Variants in ZBTB10 observed in about 807,000 individuals in gnomAD.
The protein encoded by ZBTB10 is zinc finger and BTB domain containing 10, also known as zinc finger and BTB domain-containing protein 10.
A neutral mutation model predicts 76.4 loss-of-function variants in ZBTB10; 32 were observed. That is an observed-to-expected ratio of 0.42 (90% CI 0.32 to 0.56). The LOEUF is 0.56. ZBTB10 is among the 20% of genes least tolerant of loss of function. The pLI is 0.14. For synonymous variants in ZBTB10, 523 were observed against 432.9 expected (o/e 1.21, Z -2.58); for missense variants, 1,057 against 1,098.5 (o/e 0.96, Z 0.53).
chr8:80,517,911 C>T (rs1393078760), intron 3 of ZBTB10, among the ~76,000 whole-genome samples: 1 of 133,256 alleles, frequency 7.5e-6, no homozygotes, highest in Non-Finnish European at 1.6e-5. Flanking sequence ...CATGATCCCA[C>T]TGTGTCGCCC....
At position 80,499,979 on chromosome 8, in the gene ZBTB10, T is replaced by C; in HGVS notation, c.1458T>C (p.Asn486=). ...ACTATAATAATAGAAAACCAGTTAATAGAGATGGTCTGTCTTCATCACGGG... is the reference window on the plus strand; with the variant it reads ...ACTATAATAATAGAAAACCAGTTAACAGAGATGGTCTGTCTTCATCACGGG... The part of the protein sequence containing the change: ...VVDYNNRKPV[N]RDGLSSSRDQ... The change falls in exon 2 of 6, where the codon AAT becomes AAC. Residue 486 remains asparagine (N), a synonymous_variant. Coordinates refer to ENST00000455036, the MANE Select transcript of ZBTB10 (RefSeq NM_001105539.3). The C allele has an allele frequency of 6.2e-7, 1 of 1,613,942 alleles. No individual in the cohort carries two copies. The highest frequency in any genetic ancestry group is 8.5e-7 in the Non-Finnish European group (1 of 1,179,866).
chr8:80,519,758 C>CA lies in ZBTB10; in HGVS notation c.*231dup. 1 of 426,266 alleles carries CA rather than the reference C, an allele frequency of 2.3e-6. No individual in the cohort carries two copies. The allele number at this position is 426,266 out of a possible 1,614,324, so 26.4% of individuals were successfully genotyped here. A position where few individuals can be genotyped will look rare whatever the true frequency, so the allele number is the denominator to read the frequency against. ...GGATTACATGGAGTCCCCACATACT[C>CA]AGTCAGTTATCAAAGTAAAATATTT... On this transcript the variant is annotated 3_prime_UTR_variant, in exon 6 of 6. Coordinates refer to ENST00000455036, the MANE Select transcript of ZBTB10 (RefSeq NM_001105539.3).
At chr8:80,493,666 A>C (rs1221486071) in intron 1 of ZBTB10, among the ~76,000 whole-genome samples, 13 of 142,392 alleles carry the variant, frequency 9.1e-5, no homozygotes, top group South Asian at 6.7e-4. Context: ...TAAAAACAAA[A>C]CAAAAAAAAA....
At chr8:80,517,862 G>T (rs368078403) in intron 3 of ZBTB10, among the ~76,000 whole-genome samples, 1 of 119,600 alleles carries the variant, frequency 8.4e-6, no homozygotes, top group African/African-American at 3.4e-5. Context: ...TTTTTCTCCC[G>T]CCCGCCACCT....
chr8:80,487,209 C>G lies in ZBTB10; in HGVS notation c.399C>G (p.Leu133=), dbSNP rs775393865. The stretch of plus-strand genomic sequence containing the variant: ...TCCGAGGCGGCGGCGGCGGGGGTCT[C>G]GGCAACAATGGCAGTAGCCGCGGCC... ...LAFRGGGGGG[L]GNNGSSRGRP... Residue 133 remains leucine (L), a synonymous_variant, in exon 1 of 6, where the codon CTC becomes CTG. Transcript: ENST00000455036. 165 of 1,544,202 alleles carry G rather than the reference C, an allele frequency of 1.1e-4. No individual in the cohort carries two copies. Among genetic ancestry groups the G allele is most frequent in the Non-Finnish European group, 1.4e-4 (156 of 1,147,330 alleles).
chr8:80,496,823 A>C (rs915856805), intron 1 of ZBTB10, among the ~76,000 whole-genome samples: 2 of 152,224 alleles, frequency 1.3e-5, no homozygotes, highest in Admixed American at 6.5e-5. Context: ...GTTCATAGAT[A>C]TATGCTGCCA....
rs1293767137 is a variant in ZBTB10, at chr8:80,520,596, A to G, written c.*1068A>G. On this transcript the variant is annotated 3_prime_UTR_variant, in exon 6 of 6. Transcript: ENST00000455036. Reference sequence around the variant, plus strand: ...TGTCCCTTTTATCATGAAAATTAACACAAAATGTGCATTCTCTTTTGTTTC... The same window carrying G: ...TGTCCCTTTTATCATGAAAATTAACGCAAAATGTGCATTCTCTTTTGTTTC... 1 of 152,398 alleles carries G rather than the reference A, an allele frequency of 6.6e-6. No individual in the cohort carries two copies. The highest frequency in any genetic ancestry group is 1.5e-5 in the Non-Finnish European group (1 of 67,928). 9.4% of individuals were successfully genotyped at this position (152,398 alleles called of 1,614,324 possible).
At chr8:80,500,648 T>C (rs1815900467) in intron 2 of ZBTB10, among the ~76,000 whole-genome samples, 2 of 152,242 alleles carry the variant, frequency 1.3e-5, no homozygotes, top group South Asian at 4.1e-4. Flanking sequence ...CTCTGCTGCA[T>C]GTACGGGTCT....
rs1816444244 is a variant in ZBTB10 at position 80,521,313 on chromosome 8, A to G, written c.*1785A>G. 1 of 151,912 alleles carries G rather than the reference A, an allele frequency of 6.6e-6. No individual in the cohort carries two copies. Among genetic ancestry groups the G allele is most frequent in the Admixed American group, 6.6e-5 (1 of 15,242 alleles). The allele number at this position is 151,912 out of a possible 1,614,324, so 9.4% of individuals were successfully genotyped here. A position where few individuals can be genotyped will look rare whatever the true frequency, so the allele number is the denominator to read the frequency against. ...TTTCGGTTTGATTTTTGTTTAAAAC[A>G]GATGAGTACTTCTTAATGTTCTAGA... On this transcript the variant is annotated 3_prime_UTR_variant, in exon 6 of 6. Transcript: ENST00000455036.
At chr8:80,516,449 A>G (rs1426618992) in intron 3 of ZBTB10, among the ~76,000 whole-genome samples, 2 of 152,224 alleles carry the variant, frequency 1.3e-5, no homozygotes, top group South Asian at 2.1e-4. Context: ...TTAGACAAGA[A>G]ATATGGATCA....
chr8:80,517,902 A>G (rs1354308308), intron 3 of ZBTB10, among the ~76,000 whole-genome samples: 2 of 106,432 alleles, frequency 1.9e-5, no homozygotes, highest in Non-Finnish European at 1.7e-5. Flanking sequence ...TTTTTGAGAC[A>G]TGATCCCACT....
At chr8:80,493,662 C>A (rs684199) in intron 1 of ZBTB10, among the ~76,000 whole-genome samples, 10,063 of 139,868 alleles carry the variant, frequency 0.072, 379 homozygotes, top group African/African-American at 0.11. Context: ...AATTTAAAAA[C>A]AAAACAAAAA....
rs764831364 is a variant in ZBTB10 at position 80,487,251 on chromosome 8, G to A, written c.441G>A (p.Val147=). 1.9e-6 allele frequency: 3 copies of A among 1,551,396 alleles called. No individual in the cohort carries two copies. In the South Asian group the frequency reaches 3.6e-5, roughly 18 times the overall value. Residue 147 remains valine (V), a synonymous_variant, in exon 1 of 6, where the codon GTG becomes GTA. Transcript: ENST00000455036. ...GCCGCGGCCGCCCCGAGACCTCGGT[G>A]TGGCCCTTGAGGCATTTCAATGGGC... The part of the protein sequence containing the change: ...GSSRGRPETS[V]WPLRHFNGRG...
intron 2 of ZBTB10, among the ~76,000 whole-genome samples, chr8:80,506,955 G>A (rs982693832): frequency 6.6e-6 from 1 of 151,962 alleles, no homozygotes; most frequent in Admixed American, 6.6e-5. Flanking sequence ...ATTAGGGGGA[G>A]GGTGCTGAAG....
At chr8:80,517,871 CTTT>C (rs773074047) in intron 3 of ZBTB10, among the ~76,000 whole-genome samples, 9 of 76,834 alleles carry the variant, frequency 1.2e-4, no homozygotes, top group Admixed American at 3.3e-4. Flanking sequence ...CGCCCGCCAC[CTTT>C]TTTTTTTTTT....
At chr8:80,516,532 ATTCTTTATCCCT>A (rs375315695) in intron 3 of ZBTB10, among the ~76,000 whole-genome samples, 137 of 152,320 alleles carry the variant, frequency 9.0e-4, no homozygotes, top group African/African-American at 3.2e-3. Flanking sequence ...CTTCCGTTCC[ATTCTTTATCCCT>A]CACACAGAAA....
chr8:80,487,403 G>T lies in ZBTB10; in HGVS notation c.593G>T (p.Gly198Val). Residue 198 changes from glycine to valine, a missense_variant, in exon 1 of 6, where the codon GGG (glycine) becomes GTG (valine). This residue lies in a region of ZBTB10 where 556 missense variants were observed against 451.7 expected (regional missense o/e 1.23). Coordinates refer to ENST00000455036, the MANE Select transcript of ZBTB10 (RefSeq NM_001105539.3). ...EEGASLGDGS[G>V]AEGGSCSSSR... is the part of the protein sequence containing the mutation. Reference sequence around the variant, plus strand: ...GGGGCGAGCCTGGGCGACGGCAGCGGGGCGGAAGGCGGCAGCTGCAGCAGC... The same window carrying T: ...GGGGCGAGCCTGGGCGACGGCAGCGTGGCGGAAGGCGGCAGCTGCAGCAGC... 6.5e-7 allele frequency: 1 copy of T among 1,537,484 alleles called. No individual in the cohort carries two copies. Among genetic ancestry groups the T allele is most frequent in the East Asian group, 2.5e-5 (1 of 40,680 alleles).
At chr8:80,506,557 G>T (rs1816057744) in intron 2 of ZBTB10, among the ~76,000 whole-genome samples, 1 of 130,998 alleles carries the variant, frequency 7.6e-6, no homozygotes, top group Non-Finnish European at 1.5e-5. Flanking sequence ...GACCTCAGGT[G>T]ATCCACCCCC....
chr8:80,496,878 A>C lies in ZBTB10; in HGVS notation c.973-2616A>C, dbSNP rs374917058. Reference sequence around the variant, plus strand: ...TTTTGCTTCTTCCAAATATTCATACAATATTCATGCTTTTACTATAATATA... The same window carrying C: ...TTTTGCTTCTTCCAAATATTCATACCATATTCATGCTTTTACTATAATATA... On this transcript the variant is annotated intron_variant, in intron 1 of 5. Coordinates refer to ENST00000455036, the MANE Select transcript of ZBTB10 (RefSeq NM_001105539.3). Among the ~76,000 whole-genome samples, 28 of 152,358 alleles carry C rather than the reference A, an allele frequency of 1.8e-4. No individual in the cohort carries two copies. In the South Asian group the frequency reaches 2.1e-3, roughly 11 times the overall value.
Sources: allele counts gnomAD v4.1 joint callset (sites outside exome capture counted in the v4.1 genomes callset), GRCh38; gene constraint gnomAD v4.1.1; regional missense constraint gnomAD v4.1.1; transcripts MANE v1.5; gene names NCBI Gene and HGNC (gene_info 2026-07-23, HGNC 2026-07-21).